Variants in CUX1 observed in about 807,000 individuals in gnomAD.
The protein encoded by CUX1 is cut like homeobox 1, also known as protein CASP.
Under a neutral mutation model 158.8 loss-of-function variants are expected in CUX1, and 31 were observed. That is an observed-to-expected ratio of 0.20 (90% CI 0.15 to 0.26). The LOEUF (loss-of-function observed/expected upper bound fraction) is 0.26. Ranked by LOEUF, CUX1 falls within the 10% of genes least tolerant of loss-of-function variation. The probability of loss-of-function intolerance (pLI) is 1.00; values close to 1 mark genes in which losing one functional copy is unlikely to be tolerated. For missense variants in CUX1, 1,589 were observed against 2,014.6 expected, an observed-to-expected ratio of 0.79 and a Z score of 4.04; for synonymous variants, 879 against 862.1, an observed-to-expected ratio of 1.02 and a Z score of -0.34.
intron 20 of CUX1, among the ~76,000 whole-genome samples, chr7:102,206,227 G>A (rs140463853): frequency 4.6e-5 from 7 of 152,258 alleles, no homozygotes; most frequent in South Asian, 2.1e-4. Flanking sequence ...AGAGTTCTGC[G>A]TGTTTTCCGT....
chr7:102,064,706 C>A (rs548013578), intron 3 of CUX1, among the ~76,000 whole-genome samples: 72 of 152,234 alleles, frequency 4.7e-4, no homozygotes, highest in Non-Finnish European at 8.7e-4. Context: ...GTGGCAGAGT[C>A]ACTGTGTTGT....
intron 1 of CUX1, among the ~76,000 whole-genome samples, chr7:101,898,586 T>C (rs975135800): frequency 3.1e-5 from 4 of 127,048 alleles, no homozygotes; most frequent in Non-Finnish European, 6.8e-5. Context: ...TTTCTGTGTC[T>C]TTTTTTTTTT....
intron 1 of CUX1, among the ~76,000 whole-genome samples, chr7:101,828,321 C>T (rs917518182): frequency 6.6e-6 from 1 of 152,212 alleles, no homozygotes; most frequent in East Asian, 1.9e-4. Context: ...GTGTAAGTGG[C>T]CCCACACAGT....
intron 3 of CUX1, among the ~76,000 whole-genome samples, chr7:102,056,541 C>A (rs1283779447): frequency 6.6e-6 from 1 of 152,164 alleles, no homozygotes; most frequent in Non-Finnish European, 1.5e-5. Context: ...ATTTTAAGCA[C>A]ACTGTTGAGA....
chr7:102,018,362 G>A (rs985907010), intron 2 of CUX1, among the ~76,000 whole-genome samples: 4 of 152,228 alleles, frequency 2.6e-5, no homozygotes, highest in African/African-American at 4.8e-5. Context: ...TTAACCAATG[G>A]AGCCTGAATT....
intron 2 of CUX1, among the ~76,000 whole-genome samples, chr7:101,981,829 T>G (rs1421761925): frequency 6.6e-6 from 1 of 152,170 alleles, no homozygotes; most frequent in African/African-American, 2.4e-5. Context: ...CAGGCTGGTT[T>G]TGAACTCTTG....
exon 21 of CUX1, chr7:102,281,880 GCTT>G: frequency 6.2e-7 from 1 of 1,613,632 alleles, no homozygotes; most frequent in East Asian, 2.2e-5. Flanking sequence ...CGCACCATCG[GCTT>G]CTTCTACACA....
intron 8 of CUX1, among the ~76,000 whole-genome samples, chr7:102,115,823 C>T (rs1291345223): frequency 6.6e-6 from 1 of 152,056 alleles, no homozygotes; most frequent in Non-Finnish European, 1.5e-5. Context: ...TTTTACCCGC[C>T]CATCTTTCAT....
At chr7:101,838,533 A>ATCCCAGCTCAC (rs1794878892) in intron 1 of CUX1, among the ~76,000 whole-genome samples, 2 of 151,094 alleles carry the variant, frequency 1.3e-5, no homozygotes, top group Non-Finnish European at 2.9e-5. Flanking sequence ...CAGGCGCGGT[A>ATCCCAGCTCAC]GCTCACGCCT....
chr7:101,898,349 C>T (rs1243130505), intron 1 of CUX1, among the ~76,000 whole-genome samples: 1 of 152,156 alleles, frequency 6.6e-6, no homozygotes, highest in African/African-American at 2.4e-5. Flanking sequence ...TCAGATCTGA[C>T]AGGTCAGCAG....
intron 1 of CUX1, among the ~76,000 whole-genome samples, chr7:101,827,593 G>T (rs1174612079): frequency 1.3e-5 from 2 of 152,062 alleles, no homozygotes; most frequent in Non-Finnish European, 2.9e-5. Flanking sequence ...TTATAGGCAT[G>T]AGCCACCAGG....
At chr7:102,042,732 A>G (rs1822263333) in intron 3 of CUX1, among the ~76,000 whole-genome samples, 1 of 152,052 alleles carries the variant, frequency 6.6e-6, no homozygotes, top group Non-Finnish European at 1.5e-5. Context: ...CCTCAGCTCT[A>G]TTAAAGTATC....
intron 1 of CUX1, among the ~76,000 whole-genome samples, chr7:101,914,358 C>G (rs530005873): frequency 3.7e-4 from 53 of 141,930 alleles, no homozygotes; most frequent in Admixed American, 3.7e-3. Context: ...CTTCTTCCTT[C>G]CTTCCTTCCT....
intron 10 of CUX1, 59 bp downstream of exon 10, chr7:102,170,609 A>C: frequency 8.6e-7 from 1 of 1,167,096 alleles, no homozygotes; most frequent in East Asian, 2.6e-5. Context: ...CCTTCGAGTT[A>C]CAGCCGCTTG....
At chr7:101,932,472 G>A (rs946492583) in intron 2 of CUX1, 17 of 417,200 alleles carry the variant, frequency 4.1e-5, no homozygotes, top group African/African-American at 2.3e-4. Flanking sequence ...AACGTGCATC[G>A]CTTACGAGCG....
At chr7:102,168,791 GT>G (rs1345369037) in intron 9 of CUX1, among the ~76,000 whole-genome samples, 6 of 151,846 alleles carry the variant, frequency 4.0e-5, no homozygotes, top group African/African-American at 1.5e-4. Context: ...CCAACTTCTT[GT>G]TTGTCTTTCT....
chr7:101,837,253 C>T (rs753655091), intron 1 of CUX1, among the ~76,000 whole-genome samples: 4 of 152,178 alleles, frequency 2.6e-5, no homozygotes, highest in Admixed American at 2.0e-4. Context: ...TCCCTCAATA[C>T]GTTAGATCCC....
chr7:102,218,221 G>A (rs1205856826), intron 20 of CUX1, among the ~76,000 whole-genome samples: 1 of 152,242 alleles, frequency 6.6e-6, no homozygotes, highest in Non-Finnish European at 1.5e-5. Flanking sequence ...GTTACAAGAT[G>A]TGGGGGCGCA....
At chr7:102,026,757 T>C (rs1820070936) in intron 2 of CUX1, among the ~76,000 whole-genome samples, 1 of 145,788 alleles carries the variant, frequency 6.9e-6, no homozygotes, top group South Asian at 2.1e-4. Context: ...GAGGTGTAGG[T>C]TGCAGTAAGC....
Sources: allele counts gnomAD v4.1 joint callset (sites outside exome capture counted in the v4.1 genomes callset), GRCh38; gene constraint gnomAD v4.1.1; transcripts MANE v1.5; gene names NCBI Gene and HGNC (gene_info 2026-07-23, HGNC 2026-07-21).